C4orf17: variants seen among roughly 807,000 people sequenced by gnomAD.
The protein encoded by C4orf17 is uncharacterized protein C4orf17.
C4orf17 carries 25 observed loss-of-function variants against 32.0 expected under a neutral mutation model. The ratio of observed to expected loss-of-function variants is 0.78; its 90% confidence interval spans 0.57 to 1.09. The LOEUF (loss-of-function observed/expected upper bound fraction) is 1.09, where lower values mean the gene tolerates loss of function less well. Among genes scored for constraint, C4orf17 ranks in the 50% least tolerant of loss-of-function variants. The probability of loss-of-function intolerance (pLI) is 0.00; values close to 1 mark genes in which losing one functional copy is unlikely to be tolerated. For missense variants in C4orf17, 420 were observed against 420.0 expected (o/e 1.00, Z 0.00); for synonymous variants, 149 against 145.8 (o/e 1.02, Z -0.16).
chr4:99,530,332 C>T (rs1723458374), intron 5 of C4orf17, among the ~76,000 whole-genome samples: 2 of 152,086 alleles, frequency 1.3e-5, no homozygotes. Flanking sequence ...TAGATTCCTC[C>T]AATCAACATT....
chr4:99,512,638 GTCA>G (rs33947677), intron 1 of C4orf17, among the ~76,000 whole-genome samples: 9,337 of 152,124 alleles, frequency 0.061, 512 homozygotes, highest in African/African-American at 0.15. Flanking sequence ...GTATTTAAAA[GTCA>G]TCATTTAAAT....
At chr4:99,533,946 T>G (rs1723518197) in intron 5 of C4orf17, among the ~76,000 whole-genome samples, 1 of 152,182 alleles carries the variant, frequency 6.6e-6, no homozygotes, top group Non-Finnish European at 1.5e-5. Context: ...GCCAATATAT[T>G]AATTACGTTC....
intron 4 of C4orf17, among the ~76,000 whole-genome samples, chr4:99,527,173 T>C (rs1723403864): frequency 6.6e-6 from 1 of 152,218 alleles, no homozygotes; most frequent in African/African-American, 2.4e-5. Flanking sequence ...CTTAAAATCA[T>C]ATTATTTACT....
At chr4:99,535,815 C>T in intron 5 of C4orf17, 1 of 377,936 alleles carries the variant, frequency 2.6e-6, no homozygotes, top group East Asian at 7.6e-5. Context: ...AAGCAGCACC[C>T]TGGCTTTTTG....
In C4orf17 at chr4:99,537,754, C is replaced by A; in HGVS notation, c.628+4C>A. On this transcript the variant is annotated splice_donor_region_variant and intron_variant, in intron 6 of 8. Coordinates refer to ENST00000326581, the MANE Select transcript of C4orf17 (RefSeq NM_032149.3). Reference sequence around the variant, plus strand: ...CTGCTTCATGCAACTTCAAAAGGTGCGATTAAGATATAAATTTTAAAACAC... The same window carrying A: ...CTGCTTCATGCAACTTCAAAAGGTGAGATTAAGATATAAATTTTAAAACAC... 1.2e-6 allele frequency: 2 copies of A among 1,602,474 alleles called. No homozygotes were observed. Among genetic ancestry groups the A allele is most frequent in the South Asian group, 1.1e-5 (1 of 90,874 alleles).
chr4:99,519,685 A>G (rs552911670), intron 2 of C4orf17, among the ~76,000 whole-genome samples: 1 of 152,356 alleles, frequency 6.6e-6, no homozygotes, highest in South Asian at 2.1e-4. Flanking sequence ...TTTCATTCAA[A>G]AGATCATTCT....
intron 2 of C4orf17, among the ~76,000 whole-genome samples, chr4:99,513,728 C>T (rs568039686): frequency 6.6e-6 from 1 of 151,850 alleles, no homozygotes; most frequent in South Asian, 2.1e-4. Flanking sequence ...TTTACTTTAA[C>T]TTTATACAGT....
At chr4:99,524,455 T>C in intron 3 of C4orf17, 66 bp from the exon 4 acceptor site, 1 of 936,186 alleles carries the variant, frequency 1.1e-6, no homozygotes, top group Non-Finnish European at 1.7e-6. Context: ...AATTGACACA[T>C]ATATCATGTG....
intron 2 of C4orf17, among the ~76,000 whole-genome samples, chr4:99,517,468 A>G (rs556753363): frequency 6.6e-6 from 1 of 152,256 alleles, no homozygotes; most frequent in African/African-American, 2.4e-5. Context: ...GAATTGACAG[A>G]TATCCACTAC....
At chr4:99,534,463 CAAAAT>C (rs1283608704) in intron 5 of C4orf17, among the ~76,000 whole-genome samples, 12 of 152,212 alleles carry the variant, frequency 7.9e-5, no homozygotes, top group African/African-American at 2.9e-4. Flanking sequence ...ATCTTTATAA[CAAAAT>C]AATTTATATT....
chr4:99,514,093 C>G (rs763520200), intron 2 of C4orf17, among the ~76,000 whole-genome samples: 13 of 151,946 alleles, frequency 8.6e-5, no homozygotes, highest in Admixed American at 4.6e-4. Flanking sequence ...ATTCTTATCC[C>G]CAAGAGAAAC....
At chr4:99,532,952 G>A (rs1326835358) in intron 5 of C4orf17, among the ~76,000 whole-genome samples, 1 of 152,176 alleles carries the variant, frequency 6.6e-6, no homozygotes, top group Non-Finnish European at 1.5e-5. Context: ...TCCCAGTCAA[G>A]TGACCTTCGT....
intron 5 of C4orf17, among the ~76,000 whole-genome samples, chr4:99,530,271 C>T (rs1277949100): frequency 6.6e-6 from 1 of 152,098 alleles, no homozygotes; most frequent in Non-Finnish European, 1.5e-5. Flanking sequence ...AGAGACACTA[C>T]TCTTAATGTC....
At chr4:99,530,908 T>C (rs1258029844) in intron 5 of C4orf17, among the ~76,000 whole-genome samples, 1 of 152,158 alleles carries the variant, frequency 6.6e-6, no homozygotes, top group African/African-American at 2.4e-5. Flanking sequence ...TCAGAACCAC[T>C]GTTTCACCTG....
rs185171445 is a variant in C4orf17, at chr4:99,524,072, T to C, written c.338-449T>C. Among the ~76,000 whole-genome samples, 643 of 149,150 alleles carry C rather than the reference T, an allele frequency of 4.3e-3. 4 individuals are homozygous for C. Among genetic ancestry groups the C allele is most frequent in the African/African-American group, 0.014 (571 of 40,512 alleles). ...TCCGCTCACTGCAAACTCCACCTCC[T>C]GGGTTCACGCCATTCTCCTGCCTCA... is the stretch of plus-strand genomic sequence containing the variant. On this transcript the variant is annotated intron_variant, in intron 3 of 8. Transcript: ENST00000326581.
chr4:99,538,516 T>C (rs115144317), intron 6 of C4orf17, among the ~76,000 whole-genome samples: 4 of 152,210 alleles, frequency 2.6e-5, no homozygotes, highest in African/African-American at 7.2e-5. Context: ...TCTGGAAATA[T>C]TACCTTTCCC....
intron 4 of C4orf17, among the ~76,000 whole-genome samples, chr4:99,527,873 G>T (rs897159746): frequency 1.3e-5 from 2 of 152,052 alleles, no homozygotes; most frequent in African/African-American, 4.8e-5. Context: ...CATGTATTTT[G>T]AAGCTCTCTT....
intron 4 of C4orf17, among the ~76,000 whole-genome samples, chr4:99,526,577 C>A (rs925938094): frequency 6.6e-5 from 10 of 150,974 alleles, no homozygotes; most frequent in African/African-American, 2.4e-4. Context: ...TAGTAGAAAT[C>A]TTCAGTAAAA....
chr4:99,524,438 T>C (rs1046379838), intron 3 of C4orf17, 83 bp from the exon 4 acceptor site: 10 of 773,198 alleles, frequency 1.3e-5, no homozygotes, highest in Non-Finnish European at 2.2e-5. Context: ...ACTCTATCTA[T>C]TTCAGCAATT....
Sources: gnomAD v4.1 joint callset for allele counts (sites outside exome capture counted in the v4.1 genomes callset) on GRCh38, gnomAD v4.1.1 for gene constraint, MANE v1.5 for transcripts, NCBI Gene and HGNC (gene_info 2026-07-23, HGNC 2026-07-21) for gene names.